The following SND1 variants were observed in gnomAD, a reference collection of about 807,000 sequenced individuals.
SND1 encodes staphylococcal nuclease and tudor domain containing 1.
SND1 carries 38 observed loss-of-function variants against 121.7 expected under a neutral mutation model. The ratio of observed to expected loss-of-function variants is 0.31; its 90% CI spans 0.24 to 0.41. The LOEUF (loss-of-function observed/expected upper bound fraction) is 0.41. SND1 is among the 10% of genes least tolerant of loss of function. The pLI is 1.00. For synonymous variants in SND1, 401 were observed against 447.4 expected (o/e 0.90, Z 1.31); for missense variants, 868 against 1,184.6 (o/e 0.73, Z 3.92).
At chr7:127,815,460 A>T (rs1387433879) in intron 11 of SND1, among the ~76,000 whole-genome samples, 1 of 152,122 alleles carries the variant, frequency 6.6e-6, no homozygotes, top group East Asian at 1.9e-4. Context: ...ACTGGACTCT[A>T]GTCTGTGCAA....
chr7:127,728,189 A>G (rs1206731002), intron 10 of SND1, among the ~76,000 whole-genome samples: 2 of 151,602 alleles, frequency 1.3e-5, no homozygotes, highest in African/African-American at 2.4e-5. Flanking sequence ...TCCTTTAGTT[A>G]TATATTCCCT....
intron 15 of SND1, among the ~76,000 whole-genome samples, chr7:127,969,985 G>A (rs987088823): frequency 1.3e-5 from 2 of 152,150 alleles, no homozygotes; most frequent in Admixed American, 1.3e-4. Flanking sequence ...AAAAGTGCTT[G>A]ATCCAGTGCC....
intron 12 of SND1, among the ~76,000 whole-genome samples, chr7:127,886,475 A>T (rs1425557615): frequency 6.6e-6 from 1 of 152,076 alleles, no homozygotes; most frequent in Non-Finnish European, 1.5e-5. Context: ...ACTCAGTCAT[A>T]GCATATGGCA....
intron 16 of SND1, among the ~76,000 whole-genome samples, chr7:128,065,191 C>G (rs983572752): frequency 3.3e-5 from 5 of 152,216 alleles, no homozygotes; most frequent in Non-Finnish European, 7.3e-5. Context: ...CCTGAGGAAG[C>G]AGAAGAGGTT....
chr7:127,777,015 C>G (rs1797633055), intron 10 of SND1, among the ~76,000 whole-genome samples: 1 of 152,220 alleles, frequency 6.6e-6, no homozygotes, highest in Admixed American at 6.5e-5. Flanking sequence ...TACATTTCTC[C>G]TGTAGACTGC....
chr7:127,718,655 T>C, intron 9 of SND1: 1 of 985,314 alleles, frequency 1.0e-6, no homozygotes, highest in Non-Finnish European at 1.2e-6. Context: ...GCTCTAAGAA[T>C]TCATTGCTGC....
chr7:127,652,288 T>A lies in SND1; in HGVS notation c.-86T>A. ...GCTGGTAGCCAGCCTGCCCCTCGCC[T>A]CGACTCCCTTTCACCAACACCGACA... On this transcript the variant is annotated 5_prime_UTR_variant, in exon 1 of 24. Coordinates refer to ENST00000354725, the MANE Select transcript of SND1 (RefSeq NM_014390.4). The A allele has an allele frequency of 8.5e-7, 1 of 1,170,862 alleles. No individual in the cohort carries two copies. Among genetic ancestry groups the A allele is most frequent in the Non-Finnish European group, 1.3e-6 (1 of 799,922 alleles). The allele number at this position is 1,170,862 out of a possible 1,614,324, so 72.5% of individuals were successfully genotyped here. A position where few individuals can be genotyped will look rare whatever the true frequency, so the allele number is the denominator to read the frequency against.
chr7:127,808,152 C>A (rs1295590074), intron 11 of SND1, among the ~76,000 whole-genome samples: 1 of 143,460 alleles, frequency 7.0e-6, no homozygotes, highest in Non-Finnish European at 1.5e-5. Flanking sequence ...TTTTGTGTAG[C>A]TTGATGGCTT....
chr7:127,923,888 T>A (rs1028207083), intron 14 of SND1, among the ~76,000 whole-genome samples: 3 of 152,014 alleles, frequency 2.0e-5, no homozygotes, highest in Non-Finnish European at 4.4e-5. Flanking sequence ...ATCTCCACAC[T>A]CTTTTTTTTC....
At chr7:127,849,927 T>C (rs903177400) in intron 12 of SND1, among the ~76,000 whole-genome samples, 1 of 152,192 alleles carries the variant, frequency 6.6e-6, no homozygotes, top group Non-Finnish European at 1.5e-5. Context: ...GATAATTCTT[T>C]CCCATGCAGC....
intron 1 of SND1, among the ~76,000 whole-genome samples, chr7:127,671,033 G>A (rs1795506617): frequency 6.6e-6 from 1 of 152,058 alleles, no homozygotes; most frequent in Non-Finnish European, 1.5e-5. Context: ...AAAGATGTAT[G>A]GTCCATGCAA....
intron 14 of SND1, among the ~76,000 whole-genome samples, chr7:127,913,554 T>C (rs1358060485): frequency 6.6e-6 from 1 of 152,192 alleles, no homozygotes. Flanking sequence ...TCTTTCCCAT[T>C]CTCTGGGTGT....
At chr7:127,749,934 G>T (rs773362455) in intron 10 of SND1, among the ~76,000 whole-genome samples, 1 of 152,112 alleles carries the variant, frequency 6.6e-6, no homozygotes, top group African/African-American at 2.4e-5. Flanking sequence ...TAGTGAGACC[G>T]CATTTCCACA....
intron 10 of SND1, among the ~76,000 whole-genome samples, chr7:127,791,482 T>C (rs915429739): frequency 4.6e-5 from 7 of 152,174 alleles, no homozygotes; most frequent in Non-Finnish European, 1.0e-4. Flanking sequence ...GTAACACATA[T>C]ATAACATAAA....
intron 13 of SND1, among the ~76,000 whole-genome samples, chr7:127,898,526 T>C (rs574287048): frequency 3.3e-5 from 5 of 152,310 alleles, no homozygotes; most frequent in African/African-American, 1.2e-4. Flanking sequence ...TGTTTATTGC[T>C]ACCATGTTTC....
At chr7:127,786,667 G>A (rs1259949272) in intron 10 of SND1, among the ~76,000 whole-genome samples, 8 of 151,888 alleles carry the variant, frequency 5.3e-5, no homozygotes, top group Admixed American at 2.0e-4. Context: ...TTTTTGAGAC[G>A]GAGTTTCGCT....
At position 128,029,215 on chromosome 7, in the gene SND1, C is replaced by G. The variant is rs770164159; in HGVS notation, c.1779+38159C>G. On this transcript the variant is annotated intron_variant, in intron 16 of 23. Transcript: ENST00000354725. This position sits in a 1 kb window ranked among gnomAD's most constrained non-coding sequence, Gnocchi z 4.2. Reference sequence around the variant, plus strand: ...TGGTAACCAGTGGACGTGGTAGGAACAGGCTTGTACTTTCGCGTTGTGTCC... The same window carrying G: ...TGGTAACCAGTGGACGTGGTAGGAAGAGGCTTGTACTTTCGCGTTGTGTCC... 3.1e-6 allele frequency: 5 copies of G among 1,613,998 alleles called. No individual in the cohort carries two copies. Among genetic ancestry groups the G allele is most frequent in the Non-Finnish European group, 4.2e-6 (5 of 1,180,036 alleles).
At chr7:127,957,221 C>T (rs1327313283) in intron 15 of SND1, among the ~76,000 whole-genome samples, 1 of 152,130 alleles carries the variant, frequency 6.6e-6, no homozygotes, top group African/African-American at 2.4e-5. Context: ...ATGGGAATAA[C>T]AAAATGACAG....
chr7:127,913,389 A>G (rs12375023), intron 14 of SND1, among the ~76,000 whole-genome samples: 32,227 of 152,174 alleles, frequency 0.21, 3,999 homozygotes, highest in Middle Eastern at 0.31. Flanking sequence ...GTACTGAGCT[A>G]TAATGATTTT....
Sources: gnomAD v4.1 joint callset for allele counts (sites outside exome capture counted in the v4.1 genomes callset) on GRCh38, gnomAD v4.1.1 for gene constraint, Gnocchi (gnomAD v3.1) non-coding constraint, MANE v1.5 for transcripts, NCBI Gene and HGNC (gene_info 2026-07-23, HGNC 2026-07-21) for gene names.